Variants in TF observed in about 807,000 individuals in gnomAD.
TF encodes transferrin.
In TF, 55 loss-of-function variants were observed where a neutral mutation model predicts 82.4. The observed-to-expected ratio is 0.67, with a 90% confidence interval of 0.54 to 0.84. The LOEUF (loss-of-function observed/expected upper bound fraction) is 0.84. Ranked by LOEUF, TF falls within the 40% of genes least tolerant of loss-of-function variation. The pLI is 0.00. For missense variants in TF, 737 were observed against 868.4 expected, an observed-to-expected ratio of 0.85 and a Z score of 1.90; for synonymous variants, 332 against 332.6, an observed-to-expected ratio of 1.00 and a Z score of 0.02.
At chr3:133,712,820 A>C in the TF span, 3 of 152,650 alleles carry the variant, frequency 2.0e-5, no homozygotes, top group African/African-American at 7.2e-5. Flanking sequence ...ATGTCTGTGC[A>C]CCACCTTTAT....
chr3:133,671,820 G>GAA, the TF span, among the ~76,000 whole-genome samples: 1 of 147,830 alleles, frequency 6.8e-6, no homozygotes, highest in Non-Finnish European at 1.5e-5. Context: ...AGAAGAAGAA[G>GAA]AAAAAGGAGA....
Position 133,759,266 on chromosome 3 carries a change from C to A in TF, c.1140C>A (p.Asn380Lys), listed in dbSNP as rs748554570. 1.9e-6 allele frequency: 3 copies of A among 1,614,008 alleles called. No individual in the cohort carries two copies. In the East Asian group the frequency reaches 6.7e-5, roughly 36 times the overall value. ...ERLKCDEWSV[N>K]SVGKIECVSA... Reference sequence around the variant, plus strand: ...TCAAGTGTGATGAGTGGAGTGTTAACAGTGTAGGGAAAATAGAGTGTGTAT... The same window carrying A: ...TCAAGTGTGATGAGTGGAGTGTTAAAAGTGTAGGGAAAATAGAGTGTGTAT... Residue 380 changes from asparagine (N) to lysine (K), a missense_variant, in exon 9 of 17, where the codon AAC becomes AAA. Coordinates refer to ENST00000402696, the MANE Select transcript of TF (RefSeq NM_001063.4).
At chr3:133,733,835 CTT>C in the TF span, among the ~76,000 whole-genome samples, 8 of 150,702 alleles carry the variant, frequency 5.3e-5, no homozygotes, top group African/African-American at 7.3e-5. Context: ...CTGCCTTTCT[CTT>C]GTTTCCATTT....
the TF span, among the ~76,000 whole-genome samples, chr3:133,725,961 A>G: frequency 1.3e-5 from 2 of 152,334 alleles, no homozygotes; most frequent in Admixed American, 6.5e-5. Context: ...GATTACATTT[A>G]TCAATTTGCG....
At position 133,793,622 on chromosome 3, in the gene TF, T is replaced by C. The variant is rs1934899183; in HGVS notation, c.*15002T>C. 6.6e-6 allele frequency: 1 copy of C among 152,188 alleles called. No homozygotes were observed. Among genetic ancestry groups the C allele is most frequent in the Non-Finnish European group, 1.5e-5 (1 of 68,008 alleles). The allele number at this position is 152,188 out of a possible 1,614,324, so 9.4% of individuals were successfully genotyped here. A position where few individuals can be genotyped will look rare whatever the true frequency, so the allele number is the denominator to read the frequency against. On this transcript the variant is annotated 3_prime_UTR_variant, in exon 17 of 17. Transcript: ENST00000402696. Reference sequence around the variant, plus strand: ...ATATGCTATCAATCATAATTATGATTATTATGTTATTGTAGACCACAGAAA... The same window carrying C: ...ATATGCTATCAATCATAATTATGATCATTATGTTATTGTAGACCACAGAAA...
the TF span, among the ~76,000 whole-genome samples, chr3:133,686,244 C>G: frequency 5.1e-4 from 77 of 152,176 alleles, no homozygotes; most frequent in Middle Eastern, 3.4e-3. Context: ...CCATAAAAAC[C>G]CTAGAAGAAA....
chr3:133,684,780 G>A, the TF span, among the ~76,000 whole-genome samples: 28 of 152,326 alleles, frequency 1.8e-4, no homozygotes, highest in African/African-American at 6.5e-4. Context: ...GAGGTACGAA[G>A]AGGAGCTGGT....
the TF span, among the ~76,000 whole-genome samples, chr3:133,739,143 C>A: frequency 6.6e-6 from 1 of 152,060 alleles, no homozygotes; most frequent in Non-Finnish European, 1.5e-5. Context: ...AGAACAGAGG[C>A]CTCAAAAAAT....
chr3:133,759,369 T>A, intron 9 of TF, 40 bp downstream of exon 9: 2 of 1,610,304 alleles, frequency 1.2e-6, no homozygotes, highest in Non-Finnish European at 1.7e-6. Context: ...GTCCCTGTCA[T>A]TGCTGCCTGC....
rs1015838303 is a variant in TF, at chr3:133,781,359, G to A, written c.*2739G>A. On this transcript the variant is annotated 3_prime_UTR_variant, in exon 17 of 17. Coordinates refer to ENST00000402696, the MANE Select transcript of TF (RefSeq NM_001063.4). ...AATAATAATAAATAAAGTGGTAAAA[G>A]TGGTAAGATAAAATTCAGTAAAGTG... The A allele has an allele frequency of 6.6e-6, 1 of 151,712 alleles. No individual in the cohort carries two copies. The highest frequency in any genetic ancestry group is 1.5e-5 in the Non-Finnish European group (1 of 67,956). 9.4% of individuals were successfully genotyped at this position (151,712 alleles called of 1,614,324 possible).
the TF span, among the ~76,000 whole-genome samples, chr3:133,668,834 A>G: frequency 6.6e-6 from 1 of 152,166 alleles, no homozygotes; most frequent in Non-Finnish European, 1.5e-5. Flanking sequence ...ATGATGGCTG[A>G]CAGGAGTTGG....
chr3:133,681,825 C>A, the TF span, among the ~76,000 whole-genome samples: 7 of 152,218 alleles, frequency 4.6e-5, no homozygotes, highest in African/African-American at 9.7e-5. Flanking sequence ...ACTTAAACAT[C>A]CCTGTCTGAC....
chr3:133,768,239 G>T, intron 13 of TF, 75 bp downstream of exon 13: 1 of 1,573,004 alleles, frequency 6.4e-7, no homozygotes. Flanking sequence ...ACTAAGGTAA[G>T]ATTCTTAGGT....
the TF span, among the ~76,000 whole-genome samples, chr3:133,728,006 G>T: frequency 1.3e-5 from 2 of 152,230 alleles, no homozygotes; most frequent in Non-Finnish European, 2.9e-5. Context: ...GGCTGGCAGG[G>T]TTTCTGCTGA....
rs748877009 is a variant in TF at position 133,756,869 on chromosome 3, C to T, written c.730C>T (p.Leu244=). The T allele has an allele frequency of 1.2e-6, 2 of 1,614,266 alleles. No individual in the cohort carries two copies. Among genetic ancestry groups the T allele is most frequent in the Non-Finnish European group, 1.7e-6 (2 of 1,180,050 alleles). ...CAAGGCTGACAGGGACCAGTATGAG[C>T]TGCTTTGCCTGGACAACACCCGGAA... The part of the protein sequence containing the change: ...ANKADRDQYE[L]LCLDNTRKPV... The change falls in exon 7 of 17, where the codon CTG becomes TTG. Residue 244 remains leucine, a synonymous_variant. Transcript: ENST00000402696.
At chr3:133,682,889 C>A in the TF span, among the ~76,000 whole-genome samples, 2 of 152,132 alleles carry the variant, frequency 1.3e-5, no homozygotes, top group Admixed American at 6.5e-5. Context: ...AAAAGCATCT[C>A]CAAGACACAT....
At chr3:133,723,845 C>T in the TF span, among the ~76,000 whole-genome samples, 1 of 152,028 alleles carries the variant, frequency 6.6e-6, no homozygotes, top group Non-Finnish European at 1.5e-5. Flanking sequence ...ATGATGTTCC[C>T]CTTCCTGTGT....
chr3:133,756,130 G>A (rs536681027), intron 5 of TF, 152 bp from the exon 6 acceptor site: 10 of 722,904 alleles, frequency 1.4e-5, no homozygotes, highest in East Asian at 1.4e-4. Flanking sequence ...TCAGCACTAC[G>A]CTGGAGGTCT....
chr3:133,723,637 T>TCTATTATTA, the TF span, among the ~76,000 whole-genome samples: 2 of 143,584 alleles, frequency 1.4e-5, no homozygotes, highest in Non-Finnish European at 3.0e-5. Flanking sequence ...GTTTGGTTCT[T>TCTATTATTA]TTATTATTAT....
Sources: gnomAD v4.1 joint callset for allele counts (sites outside exome capture counted in the v4.1 genomes callset) on GRCh38, gnomAD v4.1.1 for gene constraint, MANE v1.5 for transcripts, NCBI Gene and HGNC (gene_info 2026-07-23, HGNC 2026-07-21) for gene names.